FGF13: variants seen among roughly 807,000 people sequenced by gnomAD.
FGF13 encodes fibroblast growth factor homologous factor 2.
FGF13 carries 2 observed loss-of-function variants against 19.5 expected under a neutral mutation model. The observed-to-expected ratio is 0.10, with a 90% CI of 0.04 to 0.32. The LOEUF is 0.32. Among genes scored for constraint, FGF13 ranks in the 10% least tolerant of loss-of-function variants. FGF13 has a pLI of 1.00. For synonymous variants in FGF13, 72 were observed against 76.9 expected (o/e 0.94, Z 0.33); for missense variants, 113 against 192.7 (o/e 0.59, Z 2.45).
At chrX:138,783,974 A>T (rs1290417297) in intron 3 of FGF13, among the ~76,000 whole-genome samples, 1 of 102,585 alleles carries the variant, frequency 9.7e-6, no homozygotes, top group African/African-American at 3.5e-5. Context: ...ACCATGGAAT[A>T]CTATGCAGCC....
intron 1 of FGF13, among the ~76,000 whole-genome samples, chrX:139,090,284 A>G (rs781166289): frequency 1.8e-5 from 2 of 111,585 alleles, no homozygotes; most frequent in African/African-American, 6.5e-5. Context: ...GTCACACACC[A>G]CTAGTAAATC....
chrX:138,876,672 T>G (rs1257301935), intron 1 of FGF13, among the ~76,000 whole-genome samples: 1 of 112,067 alleles, frequency 8.9e-6, no homozygotes, highest in East Asian at 2.8e-4. Context: ...AGCACAGCCG[T>G]AGGCCTTGTG....
At chrX:138,718,607 C>A (rs2090126317) in intron 1 of FGF13, among the ~76,000 whole-genome samples, 1 of 111,867 alleles carries the variant, frequency 8.9e-6, no homozygotes, top group Non-Finnish European at 1.9e-5. Flanking sequence ...TTTAAAGCAA[C>A]AGAGAGGTAA....
chrX:138,668,414 A>C (rs1199725718), intron 3 of FGF13, among the ~76,000 whole-genome samples: 1 of 110,996 alleles, frequency 9.0e-6, no homozygotes, highest in Non-Finnish European at 1.9e-5. Context: ...CCTGCTTAAA[A>C]TCAGGATAGC....
chrX:138,806,568 G>A (rs1383368804), intron 3 of FGF13: 1 of 112,425 alleles, frequency 8.9e-6, no homozygotes, highest in African/African-American at 3.2e-5. Flanking sequence ...ATTCATGAAT[G>A]ATATCTTGGA....
chrX:139,063,912 G>T (rs1458354395), intron 1 of FGF13, among the ~76,000 whole-genome samples: 1 of 111,317 alleles, frequency 9.0e-6, no homozygotes, highest in East Asian at 2.8e-4. Flanking sequence ...TTGTTTGCTT[G>T]ATCTATCAGT....
At chrX:138,899,171 T>C (rs2091518888) in intron 1 of FGF13, among the ~76,000 whole-genome samples, 1 of 111,549 alleles carries the variant, frequency 9.0e-6, no homozygotes, top group African/African-American at 3.3e-5. Context: ...TTGGAAAGAC[T>C]CAGATGAGAA....
chrX:139,093,806 A>G (rs2083453611), intron 1 of FGF13, among the ~76,000 whole-genome samples: 1 of 111,904 alleles, frequency 8.9e-6, no homozygotes, highest in Non-Finnish European at 1.9e-5. Context: ...CACCCCCCAT[A>G]TAACTGAGCC....
At chrX:138,847,885 G>A (rs2091194501) in intron 3 of FGF13, among the ~76,000 whole-genome samples, 2 of 111,664 alleles carry the variant, frequency 1.8e-5, no homozygotes, top group African/African-American at 6.5e-5. Flanking sequence ...AGATACACAG[G>A]CTACAAGCTG....
chrX:138,966,052 T>A (rs1184748451), intron 1 of FGF13, among the ~76,000 whole-genome samples: 1 of 111,937 alleles, frequency 8.9e-6, no homozygotes, highest in Non-Finnish European at 1.9e-5. Context: ...TTCCTGGGTG[T>A]GTCCATGAGG....
intron 1 of FGF13, among the ~76,000 whole-genome samples, chrX:139,140,541 C>T (rs1194005427): frequency 9.0e-6 from 1 of 111,502 alleles, no homozygotes; most frequent in Non-Finnish European, 1.9e-5. Flanking sequence ...CACCCTCCTT[C>T]AAATGTGTTC....
chrX:139,054,180 T>G (rs2092312666), intron 1 of FGF13, among the ~76,000 whole-genome samples: 1 of 90,097 alleles, frequency 1.1e-5, no homozygotes, highest in Admixed American at 1.4e-4. Context: ...TTGAGTGCAG[T>G]GGCGCGATCT....
At chrX:138,885,027 G>C (rs1158632907) in intron 1 of FGF13, among the ~76,000 whole-genome samples, 1 of 112,099 alleles carries the variant, frequency 8.9e-6, no homozygotes. Flanking sequence ...AGGGTGCCTA[G>C]TTTAATAAAA....
At chrX:138,638,295 C>T (rs1395993752) in intron 3 of FGF13, among the ~76,000 whole-genome samples, 1 of 112,132 alleles carries the variant, frequency 8.9e-6, no homozygotes, top group Non-Finnish European at 1.9e-5. Flanking sequence ...CTTCCAGTGT[C>T]ATTCACCACA....
intron 1 of FGF13, among the ~76,000 whole-genome samples, chrX:139,004,390 T>A (rs1569440362): frequency 8.9e-6 from 1 of 112,518 alleles, no homozygotes; most frequent in Non-Finnish European, 1.9e-5. Context: ...GCAGCCCTGG[T>A]TCCTGCTCGC....
chrX:138,760,494 G>A (rs934151740), intron 3 of FGF13, among the ~76,000 whole-genome samples: 2 of 111,987 alleles, frequency 1.8e-5, no homozygotes, highest in African/African-American at 6.5e-5. Flanking sequence ...AGAGAAGAGA[G>A]ATTCTGGAAC....
In FGF13 at chrX:138,916,571, A is replaced by G. The variant is rs982675232; in HGVS notation, c.-112-51921T>C. On this transcript the variant is annotated intron_variant, in intron 1 of 2. Coordinates refer to the FGF13 transcript ENST00000421460. ...TCTGATGTTGACAAAGATATCATTC[A>G]GTGAAATATTAATATGAAACTGGCA... 3.0e-4 allele frequency among the ~76,000 whole-genome samples: 34 copies of G among 112,341 alleles called. No homozygotes were observed. In the Middle Eastern group the frequency reaches 0.014, roughly 45 times the overall value.
intron 1 of FGF13, among the ~76,000 whole-genome samples, chrX:139,182,589 T>A (rs2084249131): frequency 8.9e-6 from 1 of 112,111 alleles, no homozygotes; most frequent in Non-Finnish European, 1.9e-5. Flanking sequence ...CAACACATTA[T>A]CTTTTATCTG....
intron 1 of FGF13, among the ~76,000 whole-genome samples, chrX:138,730,372 A>T (rs911210671): frequency 1.4e-4 from 16 of 111,738 alleles, no homozygotes; most frequent in Admixed American, 9.5e-5. Context: ...ATGTATATAG[A>T]AATTACATCA....
Sources: gnomAD v4.1 joint callset for allele counts (sites outside exome capture counted in the v4.1 genomes callset) on GRCh38, gnomAD v4.1.1 for gene constraint, MANE v1.5 for transcripts, NCBI Gene and HGNC (gene_info 2026-07-23, HGNC 2026-07-21) for gene names.